The following ETFA variants were observed in gnomAD, a reference collection of about 807,000 sequenced individuals.
The protein encoded by ETFA is electron transfer flavoprotein subunit alpha, mitochondrial.
Under a neutral mutation model 46.2 loss-of-function variants are expected in ETFA, and 22 were observed. That is an observed-to-expected ratio of 0.48 (90% confidence interval 0.34 to 0.68). The LOEUF (loss-of-function observed/expected upper bound fraction) is 0.68. Among genes scored for constraint, ETFA ranks in the 30% least tolerant of loss-of-function variants. ETFA has a pLI of 0.01. For synonymous variants in ETFA, 131 were observed against 139.9 expected, an observed-to-expected ratio of 0.94 and a Z score of 0.45; for missense variants, 345 against 401.1, an observed-to-expected ratio of 0.86 and a Z score of 1.19.
chr15:76,259,596 T>C (rs1414769806), intron 9 of ETFA: 3 of 1,037,176 alleles, frequency 2.9e-6, no homozygotes, highest in South Asian at 1.3e-5. Context: ...AGTATACAGG[T>C]TGTCAGCCAG....
rs780880209 is a variant in ETFA, at chr15:76,295,629, C to T, written c.148G>A (p.Glu50Lys). Reference sequence around the variant, plus strand: ...GTTCCAGCTACTAAGCAGGACACTTCACCTCCAAGGCGTGTGGCTGCAGTA... The same window carrying T: ...GTTCCAGCTACTAAGCAGGACACTTTACCTCCAAGGCGTGTGGCTGCAGTA... Reference protein sequence around the residue: ...TITAATRLGGEVSCLVAGTKC... With the variant: ...TITAATRLGGKVSCLVAGTKC... Residue 50 changes from glutamate to lysine, a missense_variant, in exon 2 of 12, where the codon GAA (glutamate) becomes AAA (lysine). Coordinates refer to ENST00000557943, the MANE Select transcript of ETFA (RefSeq NM_000126.4). 4 of 1,613,906 alleles carry T rather than the reference C, an allele frequency of 2.5e-6. No individual in the cohort carries two copies. In the Admixed American group the frequency reaches 6.7e-5, roughly 27 times the overall value.
chr15:76,286,392 C>T lies in ETFA; in HGVS notation c.541G>A (p.Gly181Ser), dbSNP rs374127169. Reference sequence around the variant, plus strand: ...TCACCCTTTTCTGAACTGGCACTACCGCCACTTGTTGCTGCAGCATCAAAG... The same window carrying T: ...TCACCCTTTTCTGAACTGGCACTACTGCCACTTGTTGCTGCAGCATCAAAG... ...TSFDAAATSG[G>S]SASSEKASST... is the part of the protein sequence containing the mutation. The change falls in exon 6 of 12, where the codon GGT (glycine) becomes AGT (serine). Residue 181 changes from glycine (G) to serine (S), a missense_variant. By Grantham distance (56) the Gly-to-Ser change is moderately conservative. Transcript: ENST00000557943. 49 of 1,611,640 alleles carry T rather than the reference C, an allele frequency of 3.0e-5. No homozygotes were observed. Among genetic ancestry groups the T allele is most frequent in the African/African-American group, 6.7e-5 (5 of 74,900 alleles).
intron 9 of ETFA, among the ~76,000 whole-genome samples, chr15:76,240,493 TCATTATGTACGTCA>T (rs1410397834): frequency 8.5e-5 from 13 of 152,320 alleles, no homozygotes; most frequent in Admixed American, 4.6e-4. Context: ...AGCACACACT[TCATTATGTACGTCA>T]CATTTTTTGT....
At chr15:76,221,779 A>G (rs1008469803) in intron 11 of ETFA, among the ~76,000 whole-genome samples, 3 of 152,224 alleles carry the variant, frequency 2.0e-5, no homozygotes, top group Non-Finnish European at 4.4e-5. Flanking sequence ...CCAAGGCAGA[A>G]TTGGAATTAA....
intron 10 of ETFA, among the ~76,000 whole-genome samples, chr15:76,229,433 A>G (rs921603664): frequency 6.6e-6 from 1 of 152,202 alleles, no homozygotes; most frequent in Non-Finnish European, 1.5e-5. Context: ...TCTGACGTAC[A>G]CTACCTAGTG....
chr15:76,297,475 G>A (rs370552980), intron 1 of ETFA, among the ~76,000 whole-genome samples: 5 of 151,308 alleles, frequency 3.3e-5, no homozygotes, highest in Non-Finnish European at 5.9e-5. Context: ...ATATATATCC[G>A]GCATCATATT....
chr15:76,285,505 G>T, intron 7 of ETFA, 132 bp downstream of exon 7: 3 of 651,552 alleles, frequency 4.6e-6, no homozygotes, highest in South Asian at 3.4e-5. Context: ...GGTTAAATGG[G>T]AATAATATCC....
At chr15:76,265,501 G>C (rs1287296773) in intron 9 of ETFA, among the ~76,000 whole-genome samples, 2 of 152,136 alleles carry the variant, frequency 1.3e-5, no homozygotes, top group Non-Finnish European at 1.5e-5. Flanking sequence ...GGATTTTGAA[G>C]GACTAGTAGA....
intron 9 of ETFA, among the ~76,000 whole-genome samples, chr15:76,244,447 TAATATA>T (rs2039225203): frequency 6.6e-6 from 1 of 152,214 alleles, no homozygotes; most frequent in Admixed American, 6.5e-5. Flanking sequence ...TGGTTAATAT[TAATATA>T]TAGTTAAACG....
intron 9 of ETFA, chr15:76,260,899 C>T: frequency 6.2e-7 from 1 of 1,611,958 alleles, no homozygotes; most frequent in Non-Finnish European, 8.5e-7. Flanking sequence ...GCCAGGACTT[C>T]CCAGCCTCCT....
chr15:76,252,523 G>A lies in ETFA; in HGVS notation c.817-21125C>T, dbSNP rs115504198. ...GGGCAGGGGCAAGAACACTGAGAAA[G>A]CCTCACTCTGAGGCCCAAGTGCAGA... On this transcript the variant is annotated intron_variant, in intron 9 of 11. Coordinates refer to ENST00000557943, the MANE Select transcript of ETFA (RefSeq NM_000126.4). 5.2e-3 allele frequency among the ~76,000 whole-genome samples: 799 copies of A among 152,352 alleles called. 8 individuals are homozygous for A. Among genetic ancestry groups the A allele is most frequent in the African/African-American group, 0.018 (735 of 41,588 alleles).
At chr15:76,292,727 T>G in intron 2 of ETFA, 27 bp from the exon 3 acceptor site, 11 of 1,444,258 alleles carry the variant, frequency 7.6e-6, no homozygotes, top group Non-Finnish European at 1.1e-5. Context: ...AGTTCCTAAT[T>G]ATCCATCTAT....
At chr15:76,265,331 G>T (rs770898971) in intron 9 of ETFA, among the ~76,000 whole-genome samples, 13 of 152,204 alleles carry the variant, frequency 8.5e-5, no homozygotes, top group Non-Finnish European at 1.5e-5. Flanking sequence ...CCAAGAGAAT[G>T]AATTGCTCAG....
intron 9 of ETFA, among the ~76,000 whole-genome samples, chr15:76,263,302 T>C (rs1003573655): frequency 6.6e-6 from 1 of 152,130 alleles, no homozygotes; most frequent in Non-Finnish European, 1.5e-5. Context: ...CATGGCCTGG[T>C]GTTGGGTCTG....
At chr15:76,269,405 T>C (rs2039506065) in intron 9 of ETFA, among the ~76,000 whole-genome samples, 2 of 152,210 alleles carry the variant, frequency 1.3e-5, no homozygotes, top group South Asian at 2.1e-4. Context: ...TTATCTCAAG[T>C]AGCCATACGT....
chr15:76,287,450 G>A (rs1041659010), intron 5 of ETFA, among the ~76,000 whole-genome samples: 4 of 152,168 alleles, frequency 2.6e-5, no homozygotes, highest in Non-Finnish European at 5.9e-5. Context: ...TTATAGGCAC[G>A]AGCCACTGCA....
At chr15:76,297,099 A>T (rs899844202) in intron 1 of ETFA, among the ~76,000 whole-genome samples, 5 of 152,208 alleles carry the variant, frequency 3.3e-5, no homozygotes, top group African/African-American at 9.6e-5. Flanking sequence ...TAAGCTCTGG[A>T]GCTGGAGTGA....
At chr15:76,295,508 C>T in intron 2 of ETFA, 83 bp downstream of exon 2, 2 of 1,233,734 alleles carry the variant, frequency 1.6e-6, no homozygotes, top group Non-Finnish European at 2.4e-6. Context: ...GGTTACAATC[C>T]TAAGCATAAT....
chr15:76,216,351 T>A lies in ETFA; in HGVS notation c.*208A>T. ...GATTTTAGTACAGAATTTAAAAAGT[T>A]CAAACAATAATTGTTTGGAACCACA... On this transcript the variant is annotated 3_prime_UTR_variant, in exon 12 of 12. Transcript: ENST00000557943. 3.7e-6 allele frequency: 2 copies of A among 543,034 alleles called. No individual in the cohort carries two copies. The highest frequency in any genetic ancestry group is 6.5e-6 in the Non-Finnish European group (2 of 309,112). 33.6% of individuals were successfully genotyped at this position (543,034 alleles called of 1,614,324 possible).
Sources: allele counts gnomAD v4.1 joint callset (sites outside exome capture counted in the v4.1 genomes callset), GRCh38; gene constraint gnomAD v4.1.1; transcripts MANE v1.5; gene names NCBI Gene and HGNC (gene_info 2026-07-23, HGNC 2026-07-21).